CMIP: variants seen among roughly 807,000 people sequenced by gnomAD.
CMIP encodes the protein c-Maf inducing protein.
In CMIP, 13 loss-of-function variants were observed where a neutral mutation model predicts 97.3. That is an observed-to-expected ratio of 0.13 (90% CI 0.09 to 0.21). CMIP has a LOEUF of 0.21. Ranked by LOEUF, CMIP falls within the 10% of genes least tolerant of loss-of-function variation. The pLI, the probability that CMIP is intolerant of heterozygous loss-of-function variation, is 1.00. For missense variants in CMIP, 847 were observed against 1,024.9 expected (o/e 0.83, Z 2.37); for synonymous variants, 538 against 436.3 (o/e 1.23, Z -2.91).
chr16:81,451,992 G>A (rs781499563), intron 1 of CMIP, among the ~76,000 whole-genome samples: 6 of 152,236 alleles, frequency 3.9e-5, no homozygotes, highest in Non-Finnish European at 2.9e-5. Flanking sequence ...AGCCCTAACC[G>A]AAGGGTGATG....
chr16:81,484,049 T>C (rs570427898), intron 1 of CMIP, among the ~76,000 whole-genome samples: 8 of 152,276 alleles, frequency 5.3e-5, no homozygotes, highest in African/African-American at 1.9e-4. Context: ...TACTGTGTCT[T>C]GGGGTTTCTG....
rs533342056 is a variant in CMIP at position 81,474,207 on chromosome 16, A to AC, written c.300+28672dup. Among the ~76,000 whole-genome samples, 21 of 150,954 alleles carry AC rather than the reference A, an allele frequency of 1.4e-4. No homozygotes were observed. The South Asian group carries it at 4.2e-3, about 30-fold the overall frequency. The stretch of plus-strand genomic sequence containing the variant: ...CAGAGCTTGTGGGCGTGGACTTTGT[A>AC]CCCCCCGGGCTTGGAGAGGGCAAGG... On this transcript the variant is annotated intron_variant, in intron 1 of 20. Transcript: ENST00000537098.
intron 1 of CMIP, among the ~76,000 whole-genome samples, chr16:81,512,929 G>T (rs1183248550): frequency 2.6e-5 from 4 of 152,040 alleles, no homozygotes; most frequent in South Asian, 2.1e-4. Flanking sequence ...TAGAAATGGG[G>T]TTTCTCCATG....
At chr16:81,667,762 GAGAA>G (rs1160407775) in intron 7 of CMIP, among the ~76,000 whole-genome samples, 7 of 111,246 alleles carry the variant, frequency 6.3e-5, no homozygotes, top group South Asian at 3.1e-4. Flanking sequence ...GAGGGAGGGA[GAGAA>G]AGAGAGAGAG....
intron 1 of CMIP, among the ~76,000 whole-genome samples, chr16:81,467,585 ATTT>A (rs200498828): frequency 1.5e-5 from 2 of 137,186 alleles, no homozygotes; most frequent in Non-Finnish European, 1.6e-5. Flanking sequence ...TTTCTTCTTT[ATTT>A]TTTTTTTTTT....
chr16:81,480,450 G>T (rs941875036), intron 1 of CMIP, among the ~76,000 whole-genome samples: 1 of 152,214 alleles, frequency 6.6e-6, no homozygotes, highest in East Asian at 1.9e-4. Context: ...TGAGGCATGA[G>T]AATCGCTTGA....
At chr16:81,489,842 G>T (rs1157037985) in intron 1 of CMIP, among the ~76,000 whole-genome samples, 1 of 152,344 alleles carries the variant, frequency 6.6e-6, no homozygotes, top group East Asian at 1.9e-4. Flanking sequence ...GAGAGTCTCG[G>T]GAACTTCCCC....
At chr16:81,468,304 C>G (rs1907327350) in intron 1 of CMIP, among the ~76,000 whole-genome samples, 1 of 152,230 alleles carries the variant, frequency 6.6e-6, no homozygotes, top group South Asian at 2.1e-4. Flanking sequence ...CCACTCAGAC[C>G]CCCAGGTGAT....
chr16:81,696,532 C>G (rs948920667), intron 13 of CMIP, 28 bp from the exon 14 acceptor site: 1 of 1,594,726 alleles, frequency 6.3e-7, no homozygotes, highest in Non-Finnish European at 8.5e-7. Flanking sequence ...GCATGCAGCT[C>G]ACACTTGTGT....
At chr16:81,504,987 C>T (rs1175202091) in intron 1 of CMIP, among the ~76,000 whole-genome samples, 1 of 152,270 alleles carries the variant, frequency 6.6e-6, no homozygotes, top group Non-Finnish European at 1.5e-5. Flanking sequence ...TTGAATCAGC[C>T]AGTGAGGCTG....
chr16:81,574,696 G>A (rs1432782365), intron 1 of CMIP, among the ~76,000 whole-genome samples: 1 of 152,098 alleles, frequency 6.6e-6, no homozygotes, highest in Non-Finnish European at 1.5e-5. Flanking sequence ...TTGATGTCCC[G>A]GATGCTGGGC....
chr16:81,551,715 T>A (rs922642316), intron 1 of CMIP, among the ~76,000 whole-genome samples: 1 of 152,204 alleles, frequency 6.6e-6, no homozygotes, highest in Non-Finnish European at 1.5e-5. Flanking sequence ...AAGGTGGAAA[T>A]TGTCACAGGG....
intron 1 of CMIP, among the ~76,000 whole-genome samples, chr16:81,591,036 C>T (rs1006211382): frequency 6.6e-6 from 1 of 152,234 alleles, no homozygotes; most frequent in African/African-American, 2.4e-5. Flanking sequence ...GCATATGGCC[C>T]ACAAAGCCTG....
intron 1 of CMIP, among the ~76,000 whole-genome samples, chr16:81,512,512 C>A (rs2089833388): frequency 6.6e-6 from 1 of 152,214 alleles, no homozygotes; most frequent in Admixed American, 6.5e-5. Context: ...AGAAGGGCTT[C>A]ACTTCATCAG....
chr16:81,576,614 C>T (rs1384103089), intron 1 of CMIP, among the ~76,000 whole-genome samples: 10 of 152,104 alleles, frequency 6.6e-5, no homozygotes, highest in Admixed American at 2.6e-4. Context: ...AGAGGCAGAG[C>T]CAGGACTTGA....
intron 9 of CMIP, among the ~76,000 whole-genome samples, chr16:81,673,307 G>C (rs1196190141): frequency 6.6e-6 from 1 of 152,106 alleles, no homozygotes; most frequent in African/African-American, 2.4e-5. Context: ...CTTGAGGTTA[G>C]GAGTTGGAGA....
intron 3 of CMIP, among the ~76,000 whole-genome samples, chr16:81,641,303 G>A (rs958112199): frequency 4.6e-5 from 7 of 152,084 alleles, no homozygotes; most frequent in African/African-American, 1.7e-4. Flanking sequence ...AACAAACACC[G>A]AGAGCACCTT....
At chr16:81,697,344 C>G (rs1320915591) in intron 14 of CMIP, 2 of 152,530 alleles carry the variant, frequency 1.3e-5, no homozygotes, top group African/African-American at 4.8e-5. Flanking sequence ...CCTTCCTTGG[C>G]CAGGCACACA....
intron 3 of CMIP, among the ~76,000 whole-genome samples, chr16:81,644,798 G>C (rs1228233107): frequency 1.3e-5 from 2 of 152,228 alleles, no homozygotes; most frequent in African/African-American, 4.8e-5. Context: ...GACCTTTTAA[G>C]AAAATTCCAA....
Sources: gnomAD v4.1 joint callset for allele counts (sites outside exome capture counted in the v4.1 genomes callset) on GRCh38, gnomAD v4.1.1 for gene constraint, MANE v1.5 for transcripts, NCBI Gene and HGNC (gene_info 2026-07-23, HGNC 2026-07-21) for gene names.